The following RTN4RL1 variants were observed in gnomAD, a reference collection of about 807,000 sequenced individuals.
RTN4RL1 encodes the protein reticulon 4 receptor like 1.
A neutral mutation model predicts 25.6 loss-of-function variants in RTN4RL1; 7 were observed. The ratio of observed to expected loss-of-function variants is 0.27; its 90% confidence interval spans 0.16 to 0.51. The LOEUF (loss-of-function observed/expected upper bound fraction) is 0.51, where lower values mean the gene tolerates loss of function less well. RTN4RL1 is among the 20% of genes least tolerant of loss of function. The pLI is 0.97. For synonymous variants in RTN4RL1, 297 were observed against 288.2 expected (o/e 1.03, Z -0.31); for missense variants, 500 against 615.6 (o/e 0.81, Z 1.99).
At chr17:2,004,453 T>C (rs977317237) in intron 1 of RTN4RL1, among the ~76,000 whole-genome samples, 1 of 150,992 alleles carries the variant, frequency 6.6e-6, no homozygotes, top group African/African-American at 2.4e-5. Flanking sequence ...GGCACTGGGC[T>C]GAGGCGGGGC....
At chr17:1,971,111 T>C (rs1237283871) in intron 1 of RTN4RL1, among the ~76,000 whole-genome samples, 1 of 152,174 alleles carries the variant, frequency 6.6e-6, no homozygotes, top group African/African-American at 2.4e-5. Flanking sequence ...CCAGATCTCA[T>C]CCCTTATTGT....
Position 1,936,802 on chromosome 17 carries a change from G to A in RTN4RL1, c.1020C>T (p.Gly340=). The A allele has an allele frequency of 6.3e-7, 1 of 1,584,318 alleles. No individual in the cohort carries two copies. Among genetic ancestry groups the A allele is most frequent in the Non-Finnish European group, 8.6e-7 (1 of 1,167,360 alleles). The part of the protein sequence containing the change: ...HSPHGPTRSK[G]HPHGPRPGHR... ...GGCCGGGCCGGGGGCCGTGCGGGTG[G>A]CCCTTGCTCCTGGTGGGGCCGTGGG... Residue 340 remains glycine (G), a synonymous_variant, in exon 2 of 2, where the codon GGC becomes GGT. Transcript: ENST00000331238.
At chr17:1,965,375 G>A (rs1567511503) in intron 1 of RTN4RL1, among the ~76,000 whole-genome samples, 1 of 152,268 alleles carries the variant, frequency 6.6e-6, no homozygotes, top group Admixed American at 6.5e-5. Flanking sequence ...GCCTCCCAAA[G>A]TGCTGGAATT....
chr17:2,001,791 C>T (rs1479555157), intron 1 of RTN4RL1, among the ~76,000 whole-genome samples: 3 of 152,176 alleles, frequency 2.0e-5, no homozygotes, highest in Non-Finnish European at 1.5e-5. Flanking sequence ...CCGGGCTAGG[C>T]TGCCTCCCCC....
rs768034915 is a variant in RTN4RL1, at chr17:2,009,469, G to A, written c.13+15384C>T. On this transcript the variant is annotated intron_variant, in intron 1 of 1. Transcript: ENST00000331238. The stretch of plus-strand genomic sequence containing the variant: ...TAGCTGGGCGTGGTGGTGTGTGCCT[G>A]TAATCTCAGCTACTCGAGAGGCTGA... 5.0e-4 allele frequency among the ~76,000 whole-genome samples: 61 copies of A among 121,204 alleles called. 16 individuals are homozygous for A. Among genetic ancestry groups the A allele is most frequent in the African/African-American group, 7.2e-4 (21 of 29,264 alleles). The allele number at this position is 121,204 out of a possible 152,430, so 79.5% of individuals were successfully genotyped here. A position where few individuals can be genotyped will look rare whatever the true frequency, so the allele number is the denominator to read the frequency against.
Position 1,936,522 on chromosome 17 carries a change from G to A in RTN4RL1, c.1300C>T (p.Leu434=). 6.5e-7 allele frequency: 1 copy of A among 1,549,174 alleles called. No homozygotes were observed. The highest frequency in any genetic ancestry group is 8.7e-7 in the Non-Finnish European group (1 of 1,149,242). The change falls in exon 2 of 2, where the codon CTG becomes TTG. Residue 434 remains leucine (L), a synonymous_variant. Coordinates refer to ENST00000331238, the MANE Select transcript of RTN4RL1 (RefSeq NM_178568.4). ...CAGCGGAGAGTGACCGCCAGCCCCA[G>A]TGTCCAGGCCAGGAGGGAGGCCCCC... ...SLGASLLAWT[L]GLAVTLR
intron 1 of RTN4RL1, among the ~76,000 whole-genome samples, chr17:1,940,085 C>T (rs1915410446): frequency 6.6e-6 from 1 of 152,236 alleles, no homozygotes; most frequent in African/African-American, 2.4e-5. Flanking sequence ...CCGCCACTGT[C>T]ACCCCCTCGT....
Position 1,999,094 on chromosome 17 carries a change from T to TCACACACACACA in RTN4RL1, c.13+25747_13+25758dup, listed in dbSNP as rs59609042. On this transcript the variant is annotated intron_variant, in intron 1 of 1. Coordinates refer to ENST00000331238, the MANE Select transcript of RTN4RL1 (RefSeq NM_178568.4). ...CAGTCTACACCAGACACATGCGCGA[T>TCACACACACACA]CACACACACACACACACACACACGC... is the stretch of plus-strand genomic sequence containing the variant. 2.1e-3 allele frequency among the ~76,000 whole-genome samples: 309 copies of TCACACACACACA among 147,364 alleles called. 1 individual carries two copies. Among genetic ancestry groups the TCACACACACACA allele is most frequent in the African/African-American group, 7.2e-3 (283 of 39,578 alleles).
At chr17:2,000,588 C>T (rs1201151714) in intron 1 of RTN4RL1, among the ~76,000 whole-genome samples, 1 of 151,900 alleles carries the variant, frequency 6.6e-6, no homozygotes, top group Middle Eastern at 3.2e-3. Context: ...TGCAATGGTG[C>T]GATCTCGGCT....
At chr17:1,969,983 C>G (rs1173024194) in intron 1 of RTN4RL1, among the ~76,000 whole-genome samples, 3 of 150,152 alleles carry the variant, frequency 2.0e-5, no homozygotes, top group African/African-American at 7.3e-5. Flanking sequence ...GCCTCTCTCT[C>G]TCTCCATGTG....
At chr17:1,986,850 G>A (rs912872418) in intron 1 of RTN4RL1, among the ~76,000 whole-genome samples, 1 of 151,968 alleles carries the variant, frequency 6.6e-6, no homozygotes, top group African/African-American at 2.4e-5. Flanking sequence ...CCCAGGCTCT[G>A]CCCACCACAT....
chr17:1,943,417 G>C (rs1299408742), intron 1 of RTN4RL1, among the ~76,000 whole-genome samples: 1 of 152,240 alleles, frequency 6.6e-6, no homozygotes, highest in Non-Finnish European at 1.5e-5. Context: ...CCCTCCCTGT[G>C]CCTGAGCAGG....
intron 1 of RTN4RL1, among the ~76,000 whole-genome samples, chr17:1,996,765 A>G (rs1382887389): frequency 6.6e-6 from 1 of 152,184 alleles, no homozygotes; most frequent in African/African-American, 2.4e-5. Context: ...AAAACATGTC[A>G]ACATTTTCTA....
At position 2,015,705 on chromosome 17, in the gene RTN4RL1, G is replaced by A. The variant is rs373423587; in HGVS notation, c.13+9148C>T. ...AGGGAAAAAGCAGGGTCTGGCTTGA[G>A]GAGTGAGAGGTGAGAATAAGGAGTC... On this transcript the variant is annotated intron_variant, in intron 1 of 1. Coordinates refer to ENST00000331238, the MANE Select transcript of RTN4RL1 (RefSeq NM_178568.4). Among the ~76,000 whole-genome samples the A allele has an allele frequency of 2.1e-4, 32 of 152,288 alleles. No individual in the cohort carries two copies. In the South Asian group the frequency reaches 6.6e-3, roughly 32 times the overall value.
intron 1 of RTN4RL1, among the ~76,000 whole-genome samples, chr17:1,984,560 A>G (rs2066880088): frequency 6.6e-6 from 1 of 151,562 alleles, no homozygotes; most frequent in Non-Finnish European, 1.5e-5. Flanking sequence ...CTTCCCCAAA[A>G]CTCTACTGAG....
chr17:1,990,249 C>T (rs573155510), intron 1 of RTN4RL1, among the ~76,000 whole-genome samples: 3 of 152,160 alleles, frequency 2.0e-5, no homozygotes, highest in Non-Finnish European at 4.4e-5. Flanking sequence ...ATCCCAGCTA[C>T]TTGCGAGGCT....
chr17:1,983,834 G>T (rs938614047), intron 1 of RTN4RL1, among the ~76,000 whole-genome samples: 1 of 152,086 alleles, frequency 6.6e-6, no homozygotes, highest in African/African-American at 2.4e-5. Flanking sequence ...GAGCCACGGC[G>T]CCGGGTCCTG....
intron 1 of RTN4RL1, among the ~76,000 whole-genome samples, chr17:2,022,267 G>A (rs958631302): frequency 6.6e-6 from 1 of 152,100 alleles, no homozygotes; most frequent in African/African-American, 2.4e-5. Context: ...AGTTAGCTGA[G>A]ATTGCACCAC....
chr17:2,001,041 T>G (rs1426637359), intron 1 of RTN4RL1, among the ~76,000 whole-genome samples: 1 of 139,842 alleles, frequency 7.2e-6, no homozygotes, highest in Non-Finnish European at 1.5e-5. Context: ...ACAATAATAA[T>G]GTTTTTCATT....
Sources: gnomAD v4.1 joint callset for allele counts (sites outside exome capture counted in the v4.1 genomes callset) on GRCh38, gnomAD v4.1.1 for gene constraint, MANE v1.5 for transcripts, NCBI Gene and HGNC (gene_info 2026-07-23, HGNC 2026-07-21) for gene names.